The following PRICKLE1 variants were observed in gnomAD, a reference collection of about 807,000 sequenced individuals.
The protein encoded by PRICKLE1 is prickle-like protein 1.
PRICKLE1 carries 14 observed loss-of-function variants against 70.2 expected under a neutral mutation model. That is an observed-to-expected ratio of 0.20 (90% CI 0.13 to 0.31). The LOEUF is 0.31. Ranked by LOEUF, PRICKLE1 falls within the 10% of genes least tolerant of loss-of-function variation. The probability of loss-of-function intolerance (pLI) is 1.00; values close to 1 mark genes in which losing one functional copy is unlikely to be tolerated. For missense variants in PRICKLE1, 821 were observed against 1,026.2 expected (o/e 0.80, Z 2.73); for synonymous variants, 357 against 379.9 (o/e 0.94, Z 0.70).
rs376858650 is a variant in PRICKLE1 at position 42,459,818 on chromosome 12, A to G, written c.2487T>C (p.Ile829=). The change falls in exon 8 of 8, where the codon ATT becomes ATC. Residue 829 remains isoleucine, a synonymous_variant. Coordinates refer to ENST00000345127, the MANE Select transcript of PRICKLE1 (RefSeq NM_153026.3). The part of the protein sequence containing the change: ...KKKGHKGKNC[I]IS ...CTGCATCACTACTTGGTTAAGAAAT[A>G]ATACAATTTTTGCCCTTGTGTCCCT... is the stretch of plus-strand genomic sequence containing the variant. The G allele has an allele frequency of 4.3e-6, 7 of 1,614,216 alleles. No homozygotes were observed. In the African/African-American group the frequency reaches 8.0e-5, roughly 18 times the overall value.
chr12:42,558,674 G>A (rs886608135), intron 1 of PRICKLE1, among the ~76,000 whole-genome samples: 4 of 152,188 alleles, frequency 2.6e-5, no homozygotes, highest in Non-Finnish European at 4.4e-5. Context: ...TCTTTTAAAA[G>A]TCTTCTAGAG....
At chr12:42,496,912 T>C (rs1336170341) in intron 1 of PRICKLE1, among the ~76,000 whole-genome samples, 1 of 152,224 alleles carries the variant, frequency 6.6e-6, no homozygotes, top group East Asian at 1.9e-4. Flanking sequence ...TAAGTCTGTT[T>C]CACTTTCTTA....
intron 1 of PRICKLE1, among the ~76,000 whole-genome samples, chr12:42,562,468 G>A (rs1397176483): frequency 6.6e-6 from 1 of 152,114 alleles, no homozygotes; most frequent in Non-Finnish European, 1.5e-5. Context: ...AGTTGCAGAT[G>A]TATTGAAAGC....
At position 42,459,560 on chromosome 12, in the gene PRICKLE1, C is replaced by T; in HGVS notation, c.*249G>A. ...ACTGGAAAACCAAAGCAGCTACGTC[C>T]ATCTGTAACGCACCCGCACCGGACA... On this transcript the variant is annotated 3_prime_UTR_variant, in exon 8 of 8. Transcript: ENST00000345127. The T allele has an allele frequency of 1.6e-6, 1 of 618,792 alleles. No individual in the cohort carries two copies. The allele number at this position is 618,792 out of a possible 1,614,324, so 38.3% of individuals were successfully genotyped here. A position where few individuals can be genotyped will look rare whatever the true frequency, so the allele number is the denominator to read the frequency against.
intron 1 of PRICKLE1, among the ~76,000 whole-genome samples, chr12:42,495,808 G>A (rs12319896): frequency 0.053 from 8,067 of 152,082 alleles, 615 homozygotes; most frequent in African/African-American, 0.17. Context: ...GCTCAGGCTG[G>A]TCGCAAACTC....
At chr12:42,543,457 C>T (rs1238639613) in intron 1 of PRICKLE1, among the ~76,000 whole-genome samples, 5 of 151,854 alleles carry the variant, frequency 3.3e-5, no homozygotes, top group South Asian at 2.1e-4. Context: ...CTCATTCTCC[C>T]GCAAGGCTGG....
intron 1 of PRICKLE1, among the ~76,000 whole-genome samples, chr12:42,549,594 A>G (rs111334351): frequency 5.9e-5 from 9 of 151,926 alleles, no homozygotes; most frequent in Non-Finnish European, 1.3e-4. Context: ...CCTCCCAACA[A>G]TTGCCTAAAC....
At chr12:42,485,255 T>TG (rs1207548913) in intron 1 of PRICKLE1, 1 of 147,788 alleles carries the variant, frequency 6.8e-6, no homozygotes, top group Non-Finnish European at 1.5e-5. Context: ...TTTTTTTTTT[T>TG]TTTTTTTTTT....
intron 1 of PRICKLE1, among the ~76,000 whole-genome samples, chr12:42,505,267 TGA>T (rs907863867): frequency 4.6e-5 from 7 of 152,306 alleles, no homozygotes; most frequent in Admixed American, 2.6e-4. Flanking sequence ...TGGATTTGTG[TGA>T]GTGTTTGGGC....
At chr12:42,533,200 AT>A (rs145016139) in intron 1 of PRICKLE1, among the ~76,000 whole-genome samples, 10,460 of 147,328 alleles carry the variant, frequency 0.071, 452 homozygotes, top group Middle Eastern at 0.11. Context: ...CTGGGGATAG[AT>A]TTTTTTTTCT....
In PRICKLE1 at chr12:42,539,323, C is replaced by A. The variant is rs200581796; in HGVS notation, c.-49+50142G>T. ...TCTACTAAAAAATACAAAAAATTAG[C>A]CGGGCGTGGGGGTGGGCGCCTGTAG... On this transcript the variant is annotated intron_variant, in intron 1 of 7. Coordinates refer to ENST00000345127, the MANE Select transcript of PRICKLE1 (RefSeq NM_153026.3). 1.6e-4 allele frequency among the ~76,000 whole-genome samples: 24 copies of A among 152,006 alleles called. No individual in the cohort carries two copies. The East Asian group carries it at 3.5e-3, about 22-fold the overall frequency.
At chr12:42,581,803 A>T (rs1331840622) in intron 1 of PRICKLE1, among the ~76,000 whole-genome samples, 2 of 152,080 alleles carry the variant, frequency 1.3e-5, no homozygotes, top group Non-Finnish European at 2.9e-5. Flanking sequence ...CACAGGCAGC[A>T]TAAACAGTAA....
rs71435910 is a variant in PRICKLE1, at chr12:42,495,206, AAAAAC to A, written c.-48-22647_-48-22643del. On this transcript the variant is annotated intron_variant, in intron 1 of 7. Transcript: ENST00000345127. ...CAACACAGTGAAATCCCATCTCTAC[AAAAAC>A]AAAACAAAACAAAACAAAACAAAAA... Among the ~76,000 whole-genome samples the A allele has an allele frequency of 5.4e-4, 81 of 149,266 alleles. 1 individual carries two copies. The highest frequency in any genetic ancestry group is 1.5e-3 in the African/African-American group (61 of 40,540).
chr12:42,573,395 C>G (rs1940754800), intron 1 of PRICKLE1, among the ~76,000 whole-genome samples: 1 of 152,098 alleles, frequency 6.6e-6, no homozygotes, highest in Admixed American at 6.5e-5. Context: ...TTTATTGACT[C>G]TATGTGGCCA....
intron 1 of PRICKLE1, among the ~76,000 whole-genome samples, chr12:42,508,359 T>C (rs1257252424): frequency 6.6e-6 from 1 of 152,166 alleles, no homozygotes; most frequent in Non-Finnish European, 1.5e-5. Context: ...AAAATTCAAG[T>C]AGGCCTGAAC....
At chr12:42,465,825 C>T (rs184742519) in intron 6 of PRICKLE1, 36 of 357,170 alleles carry the variant, frequency 1.0e-4, no homozygotes, top group African/African-American at 6.9e-4. Flanking sequence ...CAACAATGTA[C>T]ATTCAATAAG....
chr12:42,512,455 C>A (rs944914536), intron 1 of PRICKLE1, among the ~76,000 whole-genome samples: 8 of 152,150 alleles, frequency 5.3e-5, no homozygotes, highest in Non-Finnish European at 1.2e-4. Context: ...GGATTACAGG[C>A]ATGAGGCACC....
chr12:42,523,654 G>A (rs542687762), intron 1 of PRICKLE1, among the ~76,000 whole-genome samples: 1 of 152,242 alleles, frequency 6.6e-6, no homozygotes, highest in Admixed American at 6.5e-5. Flanking sequence ...TGCATTAAAG[G>A]GTAAAAAATC....
intron 7 of PRICKLE1, among the ~76,000 whole-genome samples, chr12:42,463,417 T>A (rs1937937658): frequency 6.8e-6 from 1 of 147,370 alleles, no homozygotes; most frequent in Admixed American, 6.8e-5. Context: ...GGAAGATGTT[T>A]AAAAAAAAAA....
Sources: gnomAD v4.1 joint callset for allele counts (sites outside exome capture counted in the v4.1 genomes callset) on GRCh38, gnomAD v4.1.1 for gene constraint, MANE v1.5 for transcripts, NCBI Gene and HGNC (gene_info 2026-07-23, HGNC 2026-07-21) for gene names.